CACNG2: variants seen among roughly 807,000 people sequenced by gnomAD.
CACNG2 encodes voltage-dependent calcium channel gamma-2 subunit.
Under a neutral mutation model 25.9 loss-of-function variants are expected in CACNG2, and 3 were observed. The observed-to-expected ratio is 0.12, with a 90% CI of 0.05 to 0.30. The LOEUF is 0.30. Ranked by LOEUF, CACNG2 falls within the 10% of genes least tolerant of loss-of-function variation. The probability of loss-of-function intolerance (pLI) is 1.00; values close to 1 mark genes in which losing one functional copy is unlikely to be tolerated. For missense variants in CACNG2, 341 were observed against 432.5 expected (o/e 0.79, Z 1.88); for synonymous variants, 167 against 173.3 (o/e 0.96, Z 0.29).
chr22:36,690,343 GT>G (rs1431572913), intron 1 of CACNG2, among the ~76,000 whole-genome samples: 2 of 142,112 alleles, frequency 1.4e-5, no homozygotes, highest in Non-Finnish European at 3.1e-5. Context: ...AGGGCCCAGG[GT>G]TACAAAAATC....
intron 1 of CACNG2, among the ~76,000 whole-genome samples, chr22:36,666,011 C>T (rs1936869812): frequency 6.6e-6 from 1 of 152,216 alleles, no homozygotes; most frequent in African/African-American, 2.4e-5. Flanking sequence ...TGGGTATATA[C>T]ATATGGTGGA....
intron 1 of CACNG2, among the ~76,000 whole-genome samples, chr22:36,655,831 G>C (rs1228442685): frequency 3.7e-5 from 5 of 133,358 alleles, no homozygotes; most frequent in Non-Finnish European, 1.6e-5. Flanking sequence ...TTTTGAGACA[G>C]AGTTTCGCTC....
rs546752340 is a variant in CACNG2 at position 36,664,132 on chromosome 22, T to C, written c.211+38234A>G. 3.3e-5 allele frequency among the ~76,000 whole-genome samples: 5 copies of C among 151,322 alleles called. No homozygotes were observed. In the South Asian group the frequency reaches 1.1e-3, roughly 32 times the overall value. ...CTATATTATGCAAGCCTAATTCCAC[T>C]GACTTAGTGAGTCAGGAATTGCAAG... On this transcript the variant is annotated intron_variant, in intron 1 of 3. Coordinates refer to ENST00000300105, the MANE Select transcript of CACNG2 (RefSeq NM_006078.5).
chr22:36,660,575 A>G (rs1936777184), intron 1 of CACNG2, among the ~76,000 whole-genome samples: 1 of 152,200 alleles, frequency 6.6e-6, no homozygotes, highest in Non-Finnish European at 1.5e-5. Flanking sequence ...CCTCAACACA[A>G]AGACGCTGCT....
chr22:36,640,218 G>A (rs914194720), intron 1 of CACNG2, among the ~76,000 whole-genome samples: 1 of 152,224 alleles, frequency 6.6e-6, no homozygotes, highest in African/African-American at 2.4e-5. Flanking sequence ...CACAGGGGCG[G>A]TTGTGAGGAA....
chr22:36,690,659 T>G (rs910331131), intron 1 of CACNG2, among the ~76,000 whole-genome samples: 2 of 152,226 alleles, frequency 1.3e-5, no homozygotes, highest in Admixed American at 6.5e-5. Context: ...CTATATTTCT[T>G]GTCCAAGGGA....
rs11449173 is a variant in CACNG2 at position 36,563,914 on chromosome 22, A to AT, written c.*436dup. The AT allele has an allele frequency of 0.25, 33,683 of 134,870 alleles. 4,756 individuals are homozygous for AT. The highest frequency in any genetic ancestry group is 0.4 in the Admixed American group (5,419 of 13,646). 8.4% of individuals were successfully genotyped at this position (134,870 alleles called of 1,614,324 possible). A position where few individuals can be genotyped will look rare whatever the true frequency, so the allele number is the denominator to read the frequency against. On this transcript the variant is annotated 3_prime_UTR_variant, in exon 4 of 4. Coordinates refer to ENST00000300105, the MANE Select transcript of CACNG2 (RefSeq NM_006078.5). ...GACATCCCCTTTCCTTTCTGTTCTC[A>AT]TTTTTTTTTTTTTTGCTTTAATGTT... is the stretch of plus-strand genomic sequence containing the variant.
rs1310767522 is a variant in CACNG2, at chr22:36,587,563, G to A, written c.212-15C>T. 4 of 1,586,732 alleles carry A rather than the reference G, an allele frequency of 2.5e-6. No individual in the cohort carries two copies. The South Asian group carries it at 3.3e-5, about 13-fold the overall frequency. On this transcript the variant is annotated splice_polypyrimidine_tract_variant and intron_variant, in intron 1 of 3. Coordinates refer to ENST00000300105, the MANE Select transcript of CACNG2 (RefSeq NM_006078.5). Reference sequence around the variant, plus strand: ...TTTGAAATTCCCTGCAAAACAAGGGGAGAAGGAGCACATGAAACATCATAG... The same window carrying A: ...TTTGAAATTCCCTGCAAAACAAGGGAAGAAGGAGCACATGAAACATCATAG...
At chr22:36,678,803 C>T (rs142137991) in intron 1 of CACNG2, among the ~76,000 whole-genome samples, 35 of 152,286 alleles carry the variant, frequency 2.3e-4, no homozygotes, top group Non-Finnish European at 4.7e-4. Flanking sequence ...AGCTTCCCTT[C>T]GGCAGCAGCC....
chr22:36,565,184 G>A (rs1452525719), intron 3 of CACNG2, among the ~76,000 whole-genome samples: 3 of 152,230 alleles, frequency 2.0e-5, no homozygotes, highest in African/African-American at 7.2e-5. Context: ...ATTGTTCATT[G>A]AGCCTTCTCT....
chr22:36,593,666 C>T (rs1935630569), intron 1 of CACNG2, among the ~76,000 whole-genome samples: 1 of 152,034 alleles, frequency 6.6e-6, no homozygotes, highest in Admixed American at 6.5e-5. Flanking sequence ...AGAGATCCAG[C>T]CAGATCAGAG....
At position 36,564,168 on chromosome 22, in the gene CACNG2, CTTG is replaced by C. The variant is rs1935079807; in HGVS notation, c.*180_*182del. 6.5e-6 allele frequency: 3 copies of C among 462,134 alleles called. No individual in the cohort carries two copies. The highest frequency in any genetic ancestry group is 2.1e-5 in the African/African-American group (1 of 47,296). 28.6% of individuals were successfully genotyped at this position (462,134 alleles called of 1,614,324 possible). On this transcript the variant is annotated 3_prime_UTR_variant, in exon 4 of 4. Coordinates refer to ENST00000300105, the MANE Select transcript of CACNG2 (RefSeq NM_006078.5). The surrounding 1 kb of genome is among the most constrained non-coding windows in gnomAD (Gnocchi z 6.7). ...ATTTTGTTCTTTTTTTTAAAATTTA[CTTG>C]TTATGTTTTTTCTCTTTTTTTGTGT...
intron 1 of CACNG2, among the ~76,000 whole-genome samples, chr22:36,658,938 G>T (rs1248490207): frequency 6.6e-6 from 1 of 152,128 alleles, no homozygotes; most frequent in African/African-American, 2.4e-5. Context: ...GGGAAGGAAG[G>T]GGTGTGCAGG....
At chr22:36,574,021 G>A (rs1418406364) in intron 2 of CACNG2, among the ~76,000 whole-genome samples, 1 of 152,062 alleles carries the variant, frequency 6.6e-6, no homozygotes, top group Non-Finnish European at 1.5e-5. Flanking sequence ...AGCACTGAAG[G>A]GAGGAGCCAG....
rs141783987 is a variant in CACNG2, at chr22:36,702,857, G to GA, written c.-282dup. On this transcript the variant is annotated 5_prime_UTR_variant, in exon 1 of 4. Coordinates refer to ENST00000300105, the MANE Select transcript of CACNG2 (RefSeq NM_006078.5). ...AGTGTTTTTTTTTTAAAAAGAAAAG[G>GA]AAAAAAAAAATAAAAAGACACCCCC... The GA allele has an allele frequency of 0.2, 45,341 of 222,636 alleles. 4,654 individuals are homozygous for GA. Among genetic ancestry groups the GA allele is most frequent in the South Asian group, 0.27 (3,181 of 11,840 alleles). 13.8% of individuals were successfully genotyped at this position (222,636 alleles called of 1,614,324 possible).
In CACNG2 at chr22:36,564,320, TCCCGCGGTCTTCTGGCGAGG is replaced by T. The variant is rs760343876; in HGVS notation, c.*11_*30del. ...CCCGCCCCCGGGGACCGCGCCCTCCTCCCGCGGTCTTCTGGCGAGGCCCGCGGTCTTTATACGGGGGTGGT... is the reference window on the plus strand; with the variant it reads ...CCCGCCCCCGGGGACCGCGCCCTCCTCCCGCGGTCTTTATACGGGGGTGGT... On this transcript the variant is annotated 3_prime_UTR_variant, in exon 4 of 4. Transcript: ENST00000300105. This position sits in a 1 kb window ranked among gnomAD's most constrained non-coding sequence, Gnocchi z 6.7. 3 of 1,431,438 alleles carry T rather than the reference TCCCGCGGTCTTCTGGCGAGG, an allele frequency of 2.1e-6. No individual in the cohort carries two copies. Among genetic ancestry groups the T allele is most frequent in the Non-Finnish European group, 2.8e-6 (3 of 1,064,704 alleles). 88.7% of individuals were successfully genotyped at this position (1,431,438 alleles called of 1,614,324 possible).
chr22:36,604,073 T>C (rs1935796576), intron 1 of CACNG2, among the ~76,000 whole-genome samples: 4 of 152,144 alleles, frequency 2.6e-5, no homozygotes. Context: ...TTGTGATTCA[T>C]GGGAGGAGGT....
chr22:36,575,465 C>T (rs1202904713), intron 2 of CACNG2, among the ~76,000 whole-genome samples: 2 of 149,894 alleles, frequency 1.3e-5, no homozygotes, highest in African/African-American at 2.5e-5. Flanking sequence ...AGACAGGGCA[C>T]GCGGGGCCCC....
intron 1 of CACNG2, among the ~76,000 whole-genome samples, chr22:36,693,116 A>G: frequency 6.6e-6 from 1 of 152,206 alleles, no homozygotes; most frequent in Non-Finnish European, 1.5e-5. Context: ...ACTGCACTCC[A>G]GCCTGGGGAA....
Sources: gnomAD v4.1 joint callset for allele counts (sites outside exome capture counted in the v4.1 genomes callset) on GRCh38, gnomAD v4.1.1 for gene constraint, Gnocchi (gnomAD v3.1) non-coding constraint, MANE v1.5 for transcripts, NCBI Gene and HGNC (gene_info 2026-07-23, HGNC 2026-07-21) for gene names.